The following TDRD9 variants were observed in gnomAD, a reference collection of about 807,000 sequenced individuals.
The protein encoded by TDRD9 is tudor domain containing 9, also known as ATP-dependent RNA helicase TDRD9.
A neutral mutation model predicts 172.6 loss-of-function variants in TDRD9; 124 were observed. The observed-to-expected ratio is 0.72, with a 90% CI of 0.62 to 0.83. The LOEUF is 0.83. TDRD9 is among the 40% of genes least tolerant of loss of function. TDRD9 has a pLI of 0.00. For missense variants in TDRD9, 1,479 were observed against 1,714.1 expected, an observed-to-expected ratio of 0.86 and a Z score of 2.42; for synonymous variants, 619 against 617.1, an observed-to-expected ratio of 1.00 and a Z score of -0.05.
At chr14:104,015,849 A>G in intron 21 of TDRD9, 132 bp from the exon 22 acceptor site, 1 of 583,272 alleles carries the variant, frequency 1.7e-6, no homozygotes, top group Non-Finnish European at 2.9e-6. Context: ...TGAAAGGTCT[A>G]GTTTTCCATA....
At chr14:103,958,335 G>A (rs2032344519) in intron 2 of TDRD9, among the ~76,000 whole-genome samples, 1 of 152,138 alleles carries the variant, frequency 6.6e-6, no homozygotes, top group African/African-American at 2.4e-5. Flanking sequence ...CTTGTGCTGG[G>A]AGGAAGCCTG....
intron 16 of TDRD9, 26 bp downstream of exon 16, chr14:104,006,580 A>T (rs897096112): frequency 6.2e-7 from 1 of 1,611,876 alleles, no homozygotes; most frequent in Non-Finnish European, 8.5e-7. Flanking sequence ...AATAAATGCT[A>T]ATGGGAAGTT....
chr14:103,956,104 AAAAAAAAATATATATAT>A (rs1269947119), intron 2 of TDRD9, among the ~76,000 whole-genome samples: 4 of 51,768 alleles, frequency 7.7e-5, no homozygotes, highest in Non-Finnish European at 1.4e-4. Flanking sequence ...AAAAAAAAAA[AAAAAAAAATATATATAT>A]ATATATATAT....
chr14:103,994,691 T>A, intron 11 of TDRD9, 88 bp downstream of exon 11: 1 of 1,100,900 alleles, frequency 9.1e-7, no homozygotes, highest in Non-Finnish European at 1.3e-6. Flanking sequence ...CTGGGTGTCG[T>A]GGCTCATGCG....
intron 1 of TDRD9, among the ~76,000 whole-genome samples, chr14:103,952,251 T>A (rs1210199428): frequency 3.5e-5 from 2 of 57,464 alleles, no homozygotes; most frequent in Non-Finnish European, 6.5e-5. Flanking sequence ...TTTTTTTTTT[T>A]TTTTTTTGAG....
intron 22 of TDRD9, 119 bp downstream of exon 22, chr14:104,016,207 C>A: frequency 2.9e-6 from 2 of 681,764 alleles, no homozygotes; most frequent in Non-Finnish European, 4.9e-6. Flanking sequence ...GAATATTAGG[C>A]TTGTTTGGCC....
chr14:104,022,746 A>C (rs2034999996), intron 24 of TDRD9, among the ~76,000 whole-genome samples: 1 of 151,132 alleles, frequency 6.6e-6, no homozygotes, highest in East Asian at 2.0e-4. Context: ...ATAAATAAAT[A>C]AATAAATAAA....
At position 104,042,152 on chromosome 14, in the gene TDRD9, G is replaced by T. The variant is rs781346716; in HGVS notation, c.3939G>T (p.Ala1313=). Residue 1313 remains alanine (A), a synonymous_variant, in exon 34 of 36, where the codon GCG becomes GCT. Transcript: ENST00000409874. ...AGTGTCTTGGGCCAGAGAGAGTTGC[G>T]CAGCTTCAAGACATTGCCCGTCAGA... ...GCKCLGPERV[A]QLQDIARQKL... is the part of the protein sequence containing the mutation. The T allele has an allele frequency of 1.9e-6, 3 of 1,613,416 alleles. No homozygotes were observed. The highest frequency in any genetic ancestry group is 2.5e-6 in the Non-Finnish European group (3 of 1,179,382).
chr14:103,934,506 C>T (rs1401028486), intron 1 of TDRD9, among the ~76,000 whole-genome samples: 6 of 150,396 alleles, frequency 4.0e-5, no homozygotes, highest in African/African-American at 1.2e-4. Flanking sequence ...TAGCCGAGCA[C>T]GGTGGCTCAT....
At chr14:103,964,895 T>C (rs1477582326) in intron 3 of TDRD9, among the ~76,000 whole-genome samples, 1 of 152,142 alleles carries the variant, frequency 6.6e-6, no homozygotes, top group Non-Finnish European at 1.5e-5. Flanking sequence ...CTTGCTCTCT[T>C]GTGTTGTGTT....
intron 1 of TDRD9, among the ~76,000 whole-genome samples, chr14:103,932,896 C>G (rs890722318): frequency 1.3e-5 from 2 of 151,492 alleles, no homozygotes; most frequent in Admixed American, 1.3e-4. Context: ...GTAGTGACCA[C>G]CAGCATTAAA....
chr14:104,012,734 A>G (rs1453408733), intron 20 of TDRD9, among the ~76,000 whole-genome samples: 2 of 151,708 alleles, frequency 1.3e-5, no homozygotes, highest in East Asian at 3.9e-4. Flanking sequence ...TCTCTGACTA[A>G]AGAGTTTATT....
chr14:104,019,914 G>A (rs12896676), intron 23 of TDRD9, among the ~76,000 whole-genome samples: 77,793 of 152,062 alleles, frequency 0.51, 21,312 homozygotes, highest in South Asian at 0.63. Flanking sequence ...AGACTTCCTC[G>A]GGTAGACGTC....
chr14:103,988,289 T>A (rs1276165137), intron 8 of TDRD9, among the ~76,000 whole-genome samples: 1 of 152,138 alleles, frequency 6.6e-6, no homozygotes, highest in Non-Finnish European at 1.5e-5. Context: ...TTCTCCTGTC[T>A]CAGCCTCCCG....
chr14:103,970,521 C>A lies in TDRD9; in HGVS notation c.766-20C>A. 1 of 1,543,466 alleles carries A rather than the reference C, an allele frequency of 6.5e-7. No homozygotes were observed. The highest frequency in any genetic ancestry group is 8.8e-7 in the Non-Finnish European group (1 of 1,139,714). On this transcript the variant is annotated intron_variant, in intron 5 of 35. Transcript: ENST00000409874. ...GTTGCCTGATGCCATGTGGGGGGTG[C>A]CCCCTTTTTTATTTTGTAGGTACAC... is the stretch of plus-strand genomic sequence containing the variant.
At chr14:103,982,347 G>T (rs1344690508) in intron 7 of TDRD9, among the ~76,000 whole-genome samples, 4 of 152,126 alleles carry the variant, frequency 2.6e-5, no homozygotes, top group Admixed American at 6.5e-5. Flanking sequence ...TTCATTTATT[G>T]CAGGGTGGTG....
At chr14:103,965,594 GTC>G in intron 4 of TDRD9, 40 bp downstream of exon 4, 1 of 1,494,336 alleles carries the variant, frequency 6.7e-7, no homozygotes, top group East Asian at 2.5e-5. Flanking sequence ...AGAGCCAGCT[GTC>G]TCTCTATTCC....
chr14:104,017,008 T>G (rs1020647348), intron 22 of TDRD9, among the ~76,000 whole-genome samples: 4 of 152,024 alleles, frequency 2.6e-5, no homozygotes, highest in Non-Finnish European at 5.9e-5. Flanking sequence ...TTGATACCCG[T>G]GGAAGGGACT....
intron 14 of TDRD9, 147 bp downstream of exon 14, chr14:104,004,482 G>A: frequency 4.3e-6 from 2 of 462,206 alleles, no homozygotes; most frequent in East Asian, 3.4e-5. Context: ...GGGTTTACGC[G>A]ATTCTGCTGC....
Sources: gnomAD v4.1 joint callset for allele counts (sites outside exome capture counted in the v4.1 genomes callset) on GRCh38, gnomAD v4.1.1 for gene constraint, MANE v1.5 for transcripts, NCBI Gene and HGNC (gene_info 2026-07-23, HGNC 2026-07-21) for gene names.